The following ANKH variants were observed in gnomAD, a reference collection of about 807,000 sequenced individuals.
ANKH encodes the protein mineralization regulator ANKH.
In ANKH, 15 loss-of-function variants were observed where a neutral mutation model predicts 49.0. The ratio of observed to expected loss-of-function variants is 0.31; its 90% CI spans 0.20 to 0.47. The LOEUF (loss-of-function observed/expected upper bound fraction) is 0.47. Among genes scored for constraint, ANKH ranks in the 20% least tolerant of loss-of-function variants. The pLI is 1.00. For missense variants in ANKH, 429 were observed against 652.0 expected (o/e 0.66, Z 3.72); for synonymous variants, 273 against 260.0 (o/e 1.05, Z -0.48).
At chr5:14,797,208 A>T (rs1391226427) in intron 1 of ANKH, 35 of 1,334,350 alleles carry the variant, frequency 2.6e-5, no homozygotes, top group Non-Finnish European at 3.4e-5. Flanking sequence ...CACTTGCATG[A>T]TATTGTCTTC....
chr5:14,846,441 A>T (rs1401923881), intron 1 of ANKH, among the ~76,000 whole-genome samples: 1 of 152,208 alleles, frequency 6.6e-6, no homozygotes. Context: ...TTGGACTAGG[A>T]TAAGAAATGG....
chr5:14,815,360 C>T (rs1318618816), intron 1 of ANKH, among the ~76,000 whole-genome samples: 7 of 152,206 alleles, frequency 4.6e-5, no homozygotes, highest in Non-Finnish European at 8.8e-5. Flanking sequence ...TGCAGCTCAT[C>T]TGTCTGTATG....
chr5:14,844,260 G>A (rs1741895261), intron 1 of ANKH, among the ~76,000 whole-genome samples: 1 of 152,160 alleles, frequency 6.6e-6, no homozygotes, highest in Non-Finnish European at 1.5e-5. Context: ...ATCTTTCTCT[G>A]CACAATAAGT....
intron 1 of ANKH, among the ~76,000 whole-genome samples, chr5:14,837,460 G>T (rs1390315243): frequency 6.6e-6 from 1 of 152,156 alleles, no homozygotes; most frequent in Non-Finnish European, 1.5e-5. Context: ...AAAAGTGGAC[G>T]AAGGATATGA....
chr5:14,758,903 A>G, intron 2 of ANKH, among the ~76,000 whole-genome samples: 1 of 152,122 alleles, frequency 6.6e-6, no homozygotes, highest in Non-Finnish European at 1.5e-5. Flanking sequence ...ATACTTCTAC[A>G]TTTTATTTCT....
At chr5:14,718,454 T>G (rs889557662) in intron 8 of ANKH, among the ~76,000 whole-genome samples, 1 of 151,854 alleles carries the variant, frequency 6.6e-6, no homozygotes. Context: ...TCCACTGATA[T>G]CCCCAGAGAA....
chr5:14,713,038 C>T lies in ANKH; in HGVS notation c.1266-65G>A. 6.8e-7 allele frequency: 1 copy of T among 1,477,722 alleles called. No homozygotes were observed. Among genetic ancestry groups the T allele is most frequent in the Non-Finnish European group, 9.3e-7 (1 of 1,074,806 alleles). The allele number at this position is 1,477,722 out of a possible 1,614,324, so 91.5% of individuals were successfully genotyped here. On this transcript the variant is annotated intron_variant, in intron 10 of 11. Coordinates refer to ENST00000284268, the MANE Select transcript of ANKH (RefSeq NM_054027.6). The surrounding 1 kb of genome is among the most constrained non-coding windows in gnomAD (Gnocchi z 4.4). ...CAAGTCAAGGCACAACCGTCGATGCCAAAACCCAGGAAAGTAAGTGTAGCC... is the reference window on the plus strand; with the variant it reads ...CAAGTCAAGGCACAACCGTCGATGCTAAAACCCAGGAAAGTAAGTGTAGCC...
intron 1 of ANKH, chr5:14,797,619 T>C (rs577917167): frequency 1.2e-5 from 20 of 1,606,324 alleles, no homozygotes; most frequent in African/African-American, 2.7e-5. Flanking sequence ...TTTGGAAGTA[T>C]TGTTTGAACG....
chr5:14,715,589 A>G (rs1181346965), intron 9 of ANKH, among the ~76,000 whole-genome samples: 1 of 152,262 alleles, frequency 6.6e-6, no homozygotes, highest in Non-Finnish European at 1.5e-5. Context: ...TCTTCTTCCC[A>G]GTGGTGACTT....
At chr5:14,754,379 T>C (rs1244230306) in intron 4 of ANKH, among the ~76,000 whole-genome samples, 2 of 151,832 alleles carry the variant, frequency 1.3e-5, no homozygotes, top group African/African-American at 4.8e-5. Context: ...TCTACAAATG[T>C]GTGCTCACAA....
chr5:14,741,182 G>A (rs1738341615), intron 8 of ANKH: 1 of 152,386 alleles, frequency 6.6e-6, no homozygotes, highest in African/African-American at 2.4e-5. Flanking sequence ...TTTTATCCAT[G>A]TTTTTTGAAC....
chr5:14,865,666 G>T (rs994320324), intron 1 of ANKH, among the ~76,000 whole-genome samples: 3 of 152,164 alleles, frequency 2.0e-5, no homozygotes, highest in African/African-American at 7.2e-5. Context: ...CCCTGTTGAA[G>T]CCAGTGCCAT....
chr5:14,847,403 G>C (rs1741995486), intron 1 of ANKH, among the ~76,000 whole-genome samples: 1 of 152,216 alleles, frequency 6.6e-6, no homozygotes, highest in Non-Finnish European at 1.5e-5. Flanking sequence ...CTGACTGTGG[G>C]AGAAAGGTTC....
chr5:14,785,069 G>A (rs571310751), intron 1 of ANKH, among the ~76,000 whole-genome samples: 1 of 152,262 alleles, frequency 6.6e-6, no homozygotes, highest in Non-Finnish European at 1.5e-5. Context: ...TCTGACAGCT[G>A]AGGTCTGAGA....
rs1737304752 is a variant in ANKH at position 14,713,184 on chromosome 5, A to C, written c.1266-211T>G. 6.6e-6 allele frequency among the ~76,000 whole-genome samples: 1 copy of C among 152,078 alleles called. No homozygotes were observed. Among genetic ancestry groups the C allele is most frequent in the Admixed American group, 6.5e-5 (1 of 15,280 alleles). On this transcript the variant is annotated intron_variant, in intron 10 of 11. Coordinates refer to ENST00000284268, the MANE Select transcript of ANKH (RefSeq NM_054027.6). The surrounding 1 kb of genome is among the most constrained non-coding windows in gnomAD (Gnocchi z 4.4). ...CTGGGCCACCTCCCTCCCACAGCAC[A>C]TGGATCCCACAGCCCTTCCCACCCT...
chr5:14,758,799 A>T (rs1325913339), intron 2 of ANKH, among the ~76,000 whole-genome samples: 1 of 152,244 alleles, frequency 6.6e-6, no homozygotes, highest in Non-Finnish European at 1.5e-5. Flanking sequence ...TCTGGGTTCT[A>T]ATCACCAAGT....
intron 1 of ANKH, among the ~76,000 whole-genome samples, chr5:14,847,599 T>C (rs1354994442): frequency 1.3e-5 from 2 of 152,150 alleles, no homozygotes; most frequent in Non-Finnish European, 2.9e-5. Flanking sequence ...AAAAACTGCA[T>C]GGGGCCACGT....
intron 8 of ANKH, among the ~76,000 whole-genome samples, chr5:14,722,021 G>A (rs955503707): frequency 4.4e-4 from 66 of 151,114 alleles, no homozygotes; most frequent in African/African-American, 1.5e-3. Context: ...GCTTCCCCTA[G>A]GCAAAGTACT....
intron 1 of ANKH, among the ~76,000 whole-genome samples, chr5:14,809,837 A>G (rs1174300681): frequency 6.6e-6 from 1 of 151,940 alleles, no homozygotes; most frequent in African/African-American, 2.4e-5. Context: ...CCTTCCTCTG[A>G]GTCAGCCCCG....
Sources: gnomAD v4.1 joint callset for allele counts (sites outside exome capture counted in the v4.1 genomes callset) on GRCh38, gnomAD v4.1.1 for gene constraint, Gnocchi (gnomAD v3.1) non-coding constraint, MANE v1.5 for transcripts, NCBI Gene and HGNC (gene_info 2026-07-23, HGNC 2026-07-21) for gene names.